Variants in MOK observed in about 807,000 individuals in gnomAD.
MOK encodes MAPK/MAK/MRK overlapping kinase.
In MOK, 59 loss-of-function variants were observed where a neutral mutation model predicts 54.2. That is an observed-to-expected ratio of 1.09 (90% confidence interval 0.88 to 1.35). The LOEUF (loss-of-function observed/expected upper bound fraction) is 1.35, where lower values mean the gene tolerates loss of function less well. MOK is among the 40% of genes most tolerant of loss of function. The pLI is 0.00. For synonymous variants in MOK, 210 were observed against 202.7 expected (o/e 1.04, Z -0.31); for missense variants, 517 against 526.2 (o/e 0.98, Z 0.17).
At chr14:102,229,747 T>C in intron 10 of MOK, 90 bp from the exon 11 acceptor site, 1 of 1,167,314 alleles carries the variant, frequency 8.6e-7, no homozygotes, top group South Asian at 1.6e-5. Flanking sequence ...TGTACTGCTT[T>C]TGCCTAATAC....
chr14:102,304,858 G>C, intron 1 of MOK, 104 bp downstream of exon 1: 1 of 1,338,962 alleles, frequency 7.5e-7, no homozygotes. Flanking sequence ...AGAAGGCGAC[G>C]ACGCCCGGCC....
chr14:102,237,273 T>C (rs1440940972), intron 7 of MOK, among the ~76,000 whole-genome samples: 1 of 152,154 alleles, frequency 6.6e-6, no homozygotes, highest in Non-Finnish European at 1.5e-5. Context: ...TCTAGAAGAC[T>C]CTCAAACTCA....
rs183854714 is a variant in MOK, at chr14:102,229,283, G to A, written c.*6C>T. The stretch of plus-strand genomic sequence containing the variant: ...CCTCCGAAGTCGAGACGACGGTGCT[G>A]CTCAGTTATCTTCCGCCTTTCCGCA... On this transcript the variant is annotated 3_prime_UTR_variant, in exon 12 of 12. Coordinates refer to ENST00000361847, the MANE Select transcript of MOK (RefSeq NM_014226.3). 92 of 1,593,244 alleles carry A rather than the reference G, an allele frequency of 5.8e-5. No homozygotes were observed. In the East Asian group the frequency reaches 1.7e-3, roughly 29 times the overall value.
chr14:102,271,498 G>A (rs1483519682), intron 2 of MOK, among the ~76,000 whole-genome samples: 1 of 152,156 alleles, frequency 6.6e-6, no homozygotes, highest in Non-Finnish European at 1.5e-5. Flanking sequence ...AGCAAAAAAT[G>A]GAGGAATGAA....
intron 2 of MOK, among the ~76,000 whole-genome samples, chr14:102,282,969 G>A (rs964489902): frequency 2.1e-5 from 3 of 145,962 alleles, no homozygotes; most frequent in South Asian, 2.1e-4. Flanking sequence ...CACGAGAATC[G>A]CTTGAACTGG....
intron 2 of MOK, among the ~76,000 whole-genome samples, chr14:102,270,537 G>C (rs1016439690): frequency 2.0e-5 from 3 of 152,010 alleles, no homozygotes; most frequent in African/African-American, 4.8e-5. Flanking sequence ...GGAGGCAGAG[G>C]TTGCAGTGAG....
chr14:102,283,370 G>A, intron 2 of MOK, 108 bp downstream of exon 2: 1 of 662,828 alleles, frequency 1.5e-6, no homozygotes, highest in East Asian at 2.8e-5. Flanking sequence ...AAATCTGATT[G>A]TATCTTACAT....
In MOK at chr14:102,229,048, C is replaced by T; in HGVS notation, c.*241G>A. 2.0e-6 allele frequency: 1 copy of T among 502,188 alleles called. No homozygotes were observed. The allele number at this position is 502,188 out of a possible 1,614,324, so 31.1% of individuals were successfully genotyped here. On this transcript the variant is annotated 3_prime_UTR_variant, in exon 12 of 12. Transcript: ENST00000361847. ...AGTATTTCCTGCCCCAAATTCTTAACGAAAATGAAAGAAAACCCTAGAATG... is the reference window on the plus strand; with the variant it reads ...AGTATTTCCTGCCCCAAATTCTTAATGAAAATGAAAGAAAACCCTAGAATG...
downstream of MOK, chr14:102,225,083 A>G (rs8015315): frequency 0.063 from 19,532 of 311,394 alleles, 707 homozygotes; most frequent in Non-Finnish European, 0.075. Flanking sequence ...TCTGTTTAAG[A>G]CAGAGTCTTA....
At chr14:102,252,124 G>T (rs888585591) in intron 4 of MOK, 129 bp from the exon 5 acceptor site, 10 of 633,546 alleles carry the variant, frequency 1.6e-5, no homozygotes, top group Admixed American at 3.1e-5. Flanking sequence ...ATAATCTGAA[G>T]TAGTCTTAGG....
At chr14:102,256,164 T>C (rs1255173117) in intron 4 of MOK, among the ~76,000 whole-genome samples, 1 of 151,676 alleles carries the variant, frequency 6.6e-6, no homozygotes, top group Non-Finnish European at 1.5e-5. Flanking sequence ...AGTGGTACAA[T>C]CAGCTCATTG....
At chr14:102,282,061 C>A (rs2069498760) in intron 2 of MOK, among the ~76,000 whole-genome samples, 1 of 152,176 alleles carries the variant, frequency 6.6e-6, no homozygotes, top group South Asian at 2.1e-4. Context: ...AAGCACCTAT[C>A]CTCATATATG....
the MOK span, among the ~76,000 whole-genome samples, chr14:102,215,539 G>C: frequency 6.6e-6 from 1 of 152,140 alleles, no homozygotes; most frequent in Non-Finnish European, 1.5e-5. Context: ...GTGCCACGGT[G>C]GTTTGTTGCG....
rs185608676 is a variant in MOK at position 102,232,954 on chromosome 14, C to T, written c.693-246G>A. The T allele has an allele frequency of 2.5e-4, 79 of 319,708 alleles. No individual in the cohort carries two copies. Among genetic ancestry groups the T allele is most frequent in the African/African-American group, 1.4e-3 (64 of 46,820 alleles). 19.8% of individuals were successfully genotyped at this position (319,708 alleles called of 1,614,324 possible). On this transcript the variant is annotated intron_variant, in intron 8 of 11. Coordinates refer to ENST00000361847, the MANE Select transcript of MOK (RefSeq NM_014226.3). This position sits in a 1 kb window ranked among gnomAD's most constrained non-coding sequence, Gnocchi z 5.1. Reference sequence around the variant, plus strand: ...ACACACCACTCGAGGCAGGTGCTGACGACAGGGGAGGCTGTGTGCACATGG... The same window carrying T: ...ACACACCACTCGAGGCAGGTGCTGATGACAGGGGAGGCTGTGTGCACATGG...
intron 2 of MOK, among the ~76,000 whole-genome samples, chr14:102,272,535 T>C (rs898469718): frequency 6.6e-6 from 1 of 151,648 alleles, no homozygotes; most frequent in African/African-American, 2.4e-5. Context: ...CAAAATACTA[T>C]CAAATCCAGG....
chr14:102,225,908 T>TC (rs2064222451), downstream of MOK: 1 of 201,516 alleles, frequency 5.0e-6, no homozygotes. Context: ...TTTGCTCTTC[T>TC]CACTTGTTGC....
At chr14:102,274,659 A>G (rs1422465753) in intron 2 of MOK, among the ~76,000 whole-genome samples, 1 of 151,946 alleles carries the variant, frequency 6.6e-6, no homozygotes, top group Non-Finnish European at 1.5e-5. Context: ...CAGAGGACCT[A>G]CAGTAGGCAA....
rs1166017811 is a variant in MOK at position 102,231,595 on chromosome 14, T to C, written c.981+112A>G. 2.3e-6 allele frequency: 2 copies of C among 860,436 alleles called. No individual in the cohort carries two copies. Among genetic ancestry groups the C allele is most frequent in the Non-Finnish European group, 3.8e-6 (2 of 529,890 alleles). 53.3% of individuals were successfully genotyped at this position (860,436 alleles called of 1,614,324 possible). ...GCTGTTCAGGCCTCGACTGACAATG[T>C]GGTCTGCCACAGCCTCCACAGGTGG... On this transcript the variant is annotated intron_variant, in intron 10 of 11. Coordinates refer to ENST00000361847, the MANE Select transcript of MOK (RefSeq NM_014226.3). This position sits in a 1 kb window ranked among gnomAD's most constrained non-coding sequence, Gnocchi z 4.4.
intron 2 of MOK, among the ~76,000 whole-genome samples, chr14:102,277,034 T>C (rs1458667905): frequency 7.1e-6 from 1 of 140,082 alleles, no homozygotes; most frequent in Non-Finnish European, 1.6e-5. Flanking sequence ...TTTTTTTTTG[T>C]AGAGGAAAAA....
Sources: gnomAD v4.1 joint callset for allele counts (sites outside exome capture counted in the v4.1 genomes callset) on GRCh38, gnomAD v4.1.1 for gene constraint, Gnocchi (gnomAD v3.1) non-coding constraint, MANE v1.5 for transcripts, NCBI Gene and HGNC (gene_info 2026-07-23, HGNC 2026-07-21) for gene names.